The following ANTXR2 variants were observed in gnomAD, a reference collection of about 807,000 sequenced individuals.
ANTXR2 encodes ANTXR cell adhesion molecule 2.
A neutral mutation model predicts 73.7 loss-of-function variants in ANTXR2; 44 were observed. That is an observed-to-expected ratio of 0.60 (90% CI 0.47 to 0.77). ANTXR2 has a LOEUF of 0.77. Among genes scored for constraint, ANTXR2 ranks in the 30% least tolerant of loss-of-function variants. ANTXR2 has a pLI of 0.00. For missense variants in ANTXR2, 604 were observed against 592.5 expected (o/e 1.02, Z -0.20); for synonymous variants, 217 against 205.9 (o/e 1.05, Z -0.46).
chr4:79,920,819 G>T (rs925193434), intron 16 of ANTXR2, among the ~76,000 whole-genome samples: 1 of 152,084 alleles, frequency 6.6e-6, no homozygotes, highest in African/African-American at 2.4e-5. Flanking sequence ...ACTGCAGATG[G>T]AGTTAAGATA....
intron 15 of ANTXR2, 25 bp downstream of exon 15, chr4:79,977,982 A>C: frequency 6.4e-7 from 1 of 1,553,766 alleles, no homozygotes; most frequent in Non-Finnish European, 8.7e-7. Context: ...TTTTGAGTTA[A>C]ATTACACAAA....
At chr4:79,926,902 CAT>C (rs68054478) in intron 16 of ANTXR2, among the ~76,000 whole-genome samples, 116 of 133,578 alleles carry the variant, frequency 8.7e-4, no homozygotes, top group African/African-American at 2.2e-3. Flanking sequence ...TGTATATACA[CAT>C]GTGTGCATAT....
At chr4:80,069,598 T>C in intron 2 of ANTXR2, 91 bp from the exon 3 acceptor site, 2 of 1,002,386 alleles carry the variant, frequency 2.0e-6, no homozygotes, top group Non-Finnish European at 3.0e-6. Flanking sequence ...CATTTAAAAT[T>C]GGTCTCACTG....
intron 2 of ANTXR2, among the ~76,000 whole-genome samples, chr4:80,069,981 T>C (rs1419144966): frequency 2.6e-5 from 4 of 152,242 alleles, no homozygotes; most frequent in Admixed American, 6.5e-5. Flanking sequence ...TAAAGAGTCA[T>C]GGAAAATGTG....
rs183831276 is a variant in ANTXR2, at chr4:79,978,882, A to G, written c.1180-708T>C. Among the ~76,000 whole-genome samples, 9 of 152,362 alleles carry G rather than the reference A, an allele frequency of 5.9e-5. No individual in the cohort carries two copies. The East Asian group carries it at 1.7e-3, about 29-fold the overall frequency. ...GTATGATCTGAACATTTAGTTTTTG[A>G]AAGTAAAATAATTATATATGAGTTT... On this transcript the variant is annotated intron_variant, in intron 14 of 16. Transcript: ENST00000403729.
chr4:80,042,077 T>A (rs1265910717), intron 7 of ANTXR2, among the ~76,000 whole-genome samples: 1 of 152,082 alleles, frequency 6.6e-6, no homozygotes, highest in Non-Finnish European at 1.5e-5. Flanking sequence ...ATTATTATGT[T>A]TCTTTCTTGT....
In ANTXR2 at chr4:79,901,278, T is replaced by C. The variant is rs146536271; in HGVS notation, c.*6151A>G. The C allele has an allele frequency of 6.6e-6, 1 of 152,310 alleles. No individual in the cohort carries two copies. Among genetic ancestry groups the C allele is most frequent in the East Asian group, 1.9e-4 (1 of 5,188 alleles). The allele number at this position is 152,310 out of a possible 1,614,324, so 9.4% of individuals were successfully genotyped here. ...GCTAGAACTAGTCAATCTTGTTTTA[T>C]ATTGTGAGTTTTTCTTTCCCCAATT... On this transcript the variant is annotated 3_prime_UTR_variant, in exon 17 of 17. Transcript: ENST00000403729.
At chr4:79,952,912 A>G (rs1441431439) in intron 16 of ANTXR2, among the ~76,000 whole-genome samples, 1 of 152,078 alleles carries the variant, frequency 6.6e-6, no homozygotes, top group African/African-American at 2.4e-5. Context: ...ATAATTTGAT[A>G]AAACTTTCTT....
chr4:80,017,969 T>C (rs1411557441), intron 11 of ANTXR2, among the ~76,000 whole-genome samples: 1 of 152,184 alleles, frequency 6.6e-6, no homozygotes, highest in Non-Finnish European at 1.5e-5. Context: ...ATGATGTGCC[T>C]TTTACCTGAA....
chr4:80,063,329 A>G (rs958419925), intron 3 of ANTXR2, among the ~76,000 whole-genome samples: 14 of 152,154 alleles, frequency 9.2e-5, no homozygotes, highest in Admixed American at 4.6e-4. Flanking sequence ...AAAAAACCTC[A>G]GGACTCTCCA....
chr4:79,989,091 G>A (rs1730341087), intron 12 of ANTXR2, among the ~76,000 whole-genome samples: 1 of 151,654 alleles, frequency 6.6e-6, no homozygotes, highest in South Asian at 2.1e-4. Flanking sequence ...GAGGAACGAG[G>A]AAAACATGAG....
intron 16 of ANTXR2, among the ~76,000 whole-genome samples, chr4:79,977,181 C>T (rs1022013352): frequency 2.0e-4 from 31 of 152,146 alleles, no homozygotes; most frequent in African/African-American, 7.0e-4. Flanking sequence ...TCAAGAAATT[C>T]GATTACATCA....
chr4:80,031,681 C>G lies in ANTXR2; in HGVS notation c.808G>C (p.Val270Leu). Residue 270 changes from valine (V) to leucine (L), a missense_variant, in exon 10 of 17, where the codon GTA (valine) becomes CTA (leucine). Coordinates refer to ENST00000403729, the MANE Select transcript of ANTXR2 (RefSeq NM_058172.6). ...AGCATAGAATTAAGCTGTACACTTA[C>G]TGGTTTTACACCTAGAAAATAAAAT... is the stretch of plus-strand genomic sequence containing the variant. ...NETYTTSVKPVSVQLNSMLCP... is the reference protein window; with the variant it reads ...NETYTTSVKPLSVQLNSMLCP... 6.6e-7 allele frequency: 1 copy of G among 1,505,854 alleles called. No individual in the cohort carries two copies. Among genetic ancestry groups the G allele is most frequent in the Non-Finnish European group, 8.8e-7 (1 of 1,133,034 alleles). The allele number at this position is 1,505,854 out of a possible 1,614,324, so 93.3% of individuals were successfully genotyped here.
chr4:80,014,304 C>T (rs1578155688), intron 11 of ANTXR2, among the ~76,000 whole-genome samples: 1 of 152,052 alleles, frequency 6.6e-6, no homozygotes, highest in Admixed American at 6.6e-5. Context: ...TGAGGTGGCT[C>T]ACGCCTGTAA....
At chr4:80,055,258 G>C in intron 5 of ANTXR2, 40 bp from the exon 6 acceptor site, 1 of 1,547,756 alleles carries the variant, frequency 6.5e-7, no homozygotes, top group African/African-American at 1.4e-5. Flanking sequence ...AAAAAGAGAG[G>C]GGAGAGGGAG....
At chr4:80,036,567 G>A (rs1222008696) in intron 7 of ANTXR2, among the ~76,000 whole-genome samples, 2 of 152,070 alleles carry the variant, frequency 1.3e-5, no homozygotes, top group African/African-American at 2.4e-5. Flanking sequence ...TTGGGAGGCC[G>A]AGGCAGAGGG....
chr4:80,026,962 T>C (rs1732475091), intron 10 of ANTXR2, among the ~76,000 whole-genome samples: 1 of 152,098 alleles, frequency 6.6e-6, no homozygotes, highest in South Asian at 2.1e-4. Flanking sequence ...TTGATAGATA[T>C]AATTTGAAAA....
At chr4:80,030,599 T>C (rs1180755417) in intron 10 of ANTXR2, among the ~76,000 whole-genome samples, 1 of 152,104 alleles carries the variant, frequency 6.6e-6, no homozygotes, top group Non-Finnish European at 1.5e-5. Context: ...TTTGAATCTA[T>C]TTAAAACAGA....
chr4:79,986,242 C>A (rs1730156715), intron 12 of ANTXR2, among the ~76,000 whole-genome samples: 1 of 152,134 alleles, frequency 6.6e-6, no homozygotes, highest in South Asian at 2.1e-4. Flanking sequence ...ACTTCAGGTA[C>A]AAATCAAAGT....
Sources: allele counts gnomAD v4.1 joint callset (sites outside exome capture counted in the v4.1 genomes callset), GRCh38; gene constraint gnomAD v4.1.1; transcripts MANE v1.5; gene names NCBI Gene and HGNC (gene_info 2026-07-23, HGNC 2026-07-21).